IMMP2L: variants seen among roughly 807,000 people sequenced by gnomAD.
IMMP2L encodes the protein inner mitochondrial membrane peptidase subunit 2, also known as mitochondrial inner membrane protease subunit 2.
In IMMP2L, 18 loss-of-function variants were observed where a neutral mutation model predicts 19.3. The observed-to-expected ratio is 0.93, with a 90% CI of 0.64 to 1.38. IMMP2L has a LOEUF of 1.38. Among genes scored for constraint, IMMP2L ranks in the 40% most tolerant of loss-of-function variants. IMMP2L has a pLI of 0.00. For synonymous variants in IMMP2L, 76 were observed against 73.0 expected, an observed-to-expected ratio of 1.04 and a Z score of -0.21; for missense variants, 233 against 218.2, an observed-to-expected ratio of 1.07 and a Z score of -0.43.
chr7:110,873,814 G>A (rs12705742), intron 5 of IMMP2L, among the ~76,000 whole-genome samples: 49,866 of 151,490 alleles, frequency 0.33, 10,090 homozygotes, highest in East Asian at 0.64. Flanking sequence ...ATTTGCAAGA[G>A]GTGATATTCA....
chr7:110,917,400 G>A (rs259004), intron 4 of IMMP2L, among the ~76,000 whole-genome samples: 84,875 of 152,002 alleles, frequency 0.56, 25,877 homozygotes, highest in East Asian at 0.81. Context: ...GGTTAAAAAT[G>A]ATAACAATAA....
At chr7:111,149,238 A>T (rs1014434051) in intron 3 of IMMP2L, among the ~76,000 whole-genome samples, 3 of 152,168 alleles carry the variant, frequency 2.0e-5, no homozygotes, top group African/African-American at 7.2e-5. Flanking sequence ...AGAAGTCAAA[A>T]GAAAGAAGAT....
At position 110,997,428 on chromosome 7, in the gene IMMP2L, G is replaced by A. The variant is rs557478799; in HGVS notation, c.240-33863C>T. 6.6e-4 allele frequency among the ~76,000 whole-genome samples: 101 copies of A among 151,924 alleles called. 1 individual carries two copies. The South Asian group carries it at 0.021, about 32-fold the overall frequency. ...ATAAATGTCCAAGTGACAATTGCTG[G>A]GTTATATGGTCAAATTGTTTTCCAG... is the stretch of plus-strand genomic sequence containing the variant. On this transcript the variant is annotated intron_variant, in intron 3 of 5. Transcript: ENST00000405709.
intron 4 of IMMP2L, among the ~76,000 whole-genome samples, chr7:110,951,973 A>C (rs1740639599): frequency 1.3e-5 from 2 of 152,112 alleles, no homozygotes; most frequent in African/African-American, 4.8e-5. Flanking sequence ...GCTGTTTCTT[A>C]ATATTAAGTA....
At chr7:110,780,804 T>TAA (rs1799685421) in intron 5 of IMMP2L, among the ~76,000 whole-genome samples, 1 of 1,692 alleles carries the variant, frequency 5.9e-4, no homozygotes, top group African/African-American at 7.1e-4. Context: ...GTGCCTTTGC[T>TAA]ACTCTACTTC....
chr7:111,456,649 A>G (rs1025664140), intron 3 of IMMP2L, among the ~76,000 whole-genome samples: 3 of 152,054 alleles, frequency 2.0e-5, no homozygotes, highest in Non-Finnish European at 4.4e-5. Context: ...GTAATATGTT[A>G]TAAAAGTTTC....
intron 3 of IMMP2L, among the ~76,000 whole-genome samples, chr7:110,964,354 T>A (rs1291424587): frequency 6.6e-6 from 1 of 152,064 alleles, no homozygotes; most frequent in African/African-American, 2.4e-5. Context: ...AAGGAGTTTT[T>A]ATTTAAATCC....
intron 3 of IMMP2L, among the ~76,000 whole-genome samples, chr7:111,281,255 G>A (rs1401335531): frequency 7.6e-6 from 1 of 131,940 alleles, no homozygotes; most frequent in Admixed American, 7.4e-5. Context: ...AAGAGAGAGA[G>A]AGAAAGAGAG....
chr7:110,753,286 C>G (rs1336657410), intron 5 of IMMP2L, among the ~76,000 whole-genome samples: 1 of 151,976 alleles, frequency 6.6e-6, no homozygotes, highest in Non-Finnish European at 1.5e-5. Context: ...TCAACATGAT[C>G]TTAGATATTA....
intron 5 of IMMP2L, among the ~76,000 whole-genome samples, chr7:110,759,199 C>A (rs939733439): frequency 6.6e-6 from 1 of 152,024 alleles, no homozygotes; most frequent in Admixed American, 6.6e-5. Flanking sequence ...TGAGTCACCC[C>A]CAGGGAGAAC....
At chr7:111,297,335 A>T (rs1821744035) in intron 3 of IMMP2L, among the ~76,000 whole-genome samples, 1 of 152,114 alleles carries the variant, frequency 6.6e-6, no homozygotes, top group Non-Finnish European at 1.5e-5. Flanking sequence ...TAAAAGAAAC[A>T]CAGGACCTTT....
chr7:110,915,802 GAGAA>G (rs141965433), intron 4 of IMMP2L, among the ~76,000 whole-genome samples: 2 of 152,132 alleles, frequency 1.3e-5, no homozygotes, highest in Non-Finnish European at 2.9e-5. Context: ...CTGCAAAAAA[GAGAA>G]AGAGAGAAAA....
intron 3 of IMMP2L, among the ~76,000 whole-genome samples, chr7:111,261,021 T>C (rs760691651): frequency 3.9e-5 from 6 of 152,168 alleles, no homozygotes; most frequent in Non-Finnish European, 7.3e-5. Flanking sequence ...CCAAGCACTA[T>C]GAATCTCAGT....
intron 3 of IMMP2L, among the ~76,000 whole-genome samples, chr7:111,144,101 C>G (rs891412904): frequency 6.6e-6 from 1 of 152,114 alleles, no homozygotes. Context: ...GTGACAAAAC[C>G]TACTACATTT....
intron 5 of IMMP2L, among the ~76,000 whole-genome samples, chr7:110,761,877 C>T (rs1798369544): frequency 6.6e-6 from 1 of 152,118 alleles, no homozygotes; most frequent in African/African-American, 2.4e-5. Flanking sequence ...TGACAATTGT[C>T]AGGTCTACAT....
intron 3 of IMMP2L, among the ~76,000 whole-genome samples, chr7:110,969,630 C>G (rs939738527): frequency 1.3e-5 from 2 of 152,034 alleles, no homozygotes; most frequent in Admixed American, 1.3e-4. Context: ...GAAAGGAAAC[C>G]TCAGGCAGGG....
chr7:111,346,983 A>T (rs973086000), intron 3 of IMMP2L, among the ~76,000 whole-genome samples: 1 of 152,112 alleles, frequency 6.6e-6, no homozygotes, highest in Non-Finnish European at 1.5e-5. Flanking sequence ...AGAGGGTTTA[A>T]AAAGTCTCTG....
At chr7:110,938,947 T>A (rs2129552721) in intron 4 of IMMP2L, among the ~76,000 whole-genome samples, 1 of 152,250 alleles carries the variant, frequency 6.6e-6, no homozygotes, top group East Asian at 1.9e-4. Context: ...ATAGTACAGA[T>A]TCTGCAACTG....
intron 1 of IMMP2L, among the ~76,000 whole-genome samples, chr7:111,532,176 A>C (rs1847454360): frequency 1.3e-5 from 2 of 152,228 alleles, no homozygotes; most frequent in East Asian, 1.9e-4. Flanking sequence ...TATCACTAGA[A>C]ACCATGTGAC....
Sources: gnomAD v4.1 joint callset for allele counts (sites outside exome capture counted in the v4.1 genomes callset) on GRCh38, gnomAD v4.1.1 for gene constraint, MANE v1.5 for transcripts, NCBI Gene and HGNC (gene_info 2026-07-23, HGNC 2026-07-21) for gene names.